Variants in MRPL13 observed in about 807,000 individuals in gnomAD.
MRPL13 encodes the protein mitochondrial ribosomal protein L13.
Under a neutral mutation model 29.0 loss-of-function variants are expected in MRPL13, and 33 were observed. The ratio of observed to expected loss-of-function variants is 1.14; its 90% CI spans 0.86 to 1.52. The LOEUF is 1.52. Among genes scored for constraint, MRPL13 ranks in the 40% most tolerant of loss-of-function variants. The pLI is 0.00. For missense variants in MRPL13, 227 were observed against 216.7 expected, an observed-to-expected ratio of 1.05 and a Z score of -0.30; for synonymous variants, 77 against 68.4, an observed-to-expected ratio of 1.13 and a Z score of -0.62.
At chr8:120,443,614 T>C (rs970927031) in intron 1 of MRPL13, among the ~76,000 whole-genome samples, 1 of 151,164 alleles carries the variant, frequency 6.6e-6, no homozygotes, top group Admixed American at 6.6e-5. Context: ...CTTTACGGTA[T>C]GACTTTTTTT....
At chr8:120,442,876 T>C (rs1813140030) in intron 2 of MRPL13, among the ~76,000 whole-genome samples, 1 of 152,066 alleles carries the variant, frequency 6.6e-6, no homozygotes, top group Admixed American at 6.6e-5. Flanking sequence ...TGAAAAGACA[T>C]ATATAAAAGT....
intron 2 of MRPL13, among the ~76,000 whole-genome samples, chr8:120,439,933 T>C (rs1813099347): frequency 6.6e-6 from 1 of 152,220 alleles, no homozygotes; most frequent in Non-Finnish European, 1.5e-5. Context: ...ACTAAAAGTA[T>C]TTTCTTCATT....
intron 1 of MRPL13, among the ~76,000 whole-genome samples, chr8:120,444,538 AG>A (rs761515970): frequency 6.6e-6 from 1 of 152,184 alleles, no homozygotes; most frequent in Non-Finnish European, 1.5e-5. Context: ...CACACTCCAT[AG>A]TATTTCTAGC....
intron 5 of MRPL13, chr8:120,415,420 GC>G (rs1261286949): frequency 2.0e-5 from 3 of 152,218 alleles, no homozygotes; most frequent in Admixed American, 2.0e-4. Context: ...ATCAAATAAG[GC>G]AGCACTTTGA....
At chr8:120,430,863 A>G (rs1018830678) in intron 3 of MRPL13, among the ~76,000 whole-genome samples, 13 of 152,132 alleles carry the variant, frequency 8.5e-5, no homozygotes, top group South Asian at 2.1e-4. Flanking sequence ...GTAATACTAC[A>G]TATTATTGCT....
At chr8:120,413,286 C>T (rs1812761212) in intron 6 of MRPL13, among the ~76,000 whole-genome samples, 1 of 152,146 alleles carries the variant, frequency 6.6e-6, no homozygotes, top group Non-Finnish European at 1.5e-5. Context: ...ACATGTAGCT[C>T]CCTCATGAAG....
At chr8:120,418,532 G>C (rs1035282317) in intron 5 of MRPL13, among the ~76,000 whole-genome samples, 3 of 151,966 alleles carry the variant, frequency 2.0e-5, no homozygotes, top group African/African-American at 7.2e-5. Context: ...AAAATGTACT[G>C]TCAAGCTTCT....
intron 6 of MRPL13, among the ~76,000 whole-genome samples, chr8:120,405,642 A>G (rs774045489): frequency 3.3e-5 from 5 of 152,154 alleles, no homozygotes; most frequent in Non-Finnish European, 7.4e-5. Flanking sequence ...ACTAGAGATG[A>G]CTCCATTTGA....
chr8:120,432,560 C>T (rs1182576604), intron 2 of MRPL13, among the ~76,000 whole-genome samples: 1 of 151,900 alleles, frequency 6.6e-6, no homozygotes, highest in Admixed American at 6.6e-5. Context: ...TATGTTTTAC[C>T]TACAGGTAAA....
At chr8:120,396,240 C>T in intron 6 of MRPL13, 115 bp from the exon 7 acceptor site, 2 of 745,126 alleles carry the variant, frequency 2.7e-6, no homozygotes, top group South Asian at 1.8e-5. Context: ...GAAATAGCTA[C>T]AAACACTATA....
At chr8:120,437,885 AT>A (rs1322048975) in intron 2 of MRPL13, among the ~76,000 whole-genome samples, 1 of 152,198 alleles carries the variant, frequency 6.6e-6, no homozygotes, top group East Asian at 1.9e-4. Context: ...TTCAAAAAAA[AT>A]ATGTTTATAG....
intron 6 of MRPL13, among the ~76,000 whole-genome samples, chr8:120,401,606 C>T (rs1330916960): frequency 6.6e-6 from 1 of 152,120 alleles, no homozygotes; most frequent in Non-Finnish European, 1.5e-5. Flanking sequence ...ACAAGGATGC[C>T]CTTTTTCACC....
chr8:120,431,667 G>T (rs1812998250), intron 3 of MRPL13, among the ~76,000 whole-genome samples: 1 of 152,148 alleles, frequency 6.6e-6, no homozygotes, highest in Non-Finnish European at 1.5e-5. Context: ...ATCTAGAGAA[G>T]AGTGACCATT....
At chr8:120,433,157 T>A (rs942120429) in intron 2 of MRPL13, among the ~76,000 whole-genome samples, 1 of 152,030 alleles carries the variant, frequency 6.6e-6, no homozygotes, top group African/African-American at 2.4e-5. Flanking sequence ...AAGCTTGCTG[T>A]TATTAGATGG....
intron 3 of MRPL13, among the ~76,000 whole-genome samples, chr8:120,428,126 TA>T (rs144856034): frequency 0.18 from 20,055 of 110,324 alleles, 2,537 homozygotes; most frequent in African/African-American, 0.41. Context: ...ATGGTACTGA[TA>T]AAAAAAAAAA....
chr8:120,404,019 C>G (rs1812636098), intron 6 of MRPL13, among the ~76,000 whole-genome samples: 1 of 152,182 alleles, frequency 6.6e-6, no homozygotes, highest in African/African-American at 2.4e-5. Flanking sequence ...AACATAAAAA[C>G]TGCATCCAAA....
intron 6 of MRPL13, among the ~76,000 whole-genome samples, chr8:120,398,920 TACACACACACACACAA>T (rs1554632358): frequency 2.7e-5 from 4 of 149,124 alleles, no homozygotes; most frequent in African/African-American, 7.4e-5. Flanking sequence ...CAGACAATAA[TACACACACACACACAA>T]ACACACACAC....
chr8:120,407,345 G>A (rs934796574), intron 6 of MRPL13, among the ~76,000 whole-genome samples: 7 of 152,132 alleles, frequency 4.6e-5, no homozygotes, highest in African/African-American at 1.7e-4. Context: ...GAAGCACATG[G>A]TTTATGCTAC....
chr8:120,441,625 T>C (rs1008979683), intron 2 of MRPL13, among the ~76,000 whole-genome samples: 2 of 152,096 alleles, frequency 1.3e-5, no homozygotes, highest in Non-Finnish European at 2.9e-5. Context: ...GATTAAGAGA[T>C]TAAAGGAACA....
Sources: allele counts gnomAD v4.1 joint callset (sites outside exome capture counted in the v4.1 genomes callset), GRCh38; gene constraint gnomAD v4.1.1; transcripts MANE v1.5; gene names NCBI Gene and HGNC (gene_info 2026-07-23, HGNC 2026-07-21).